Variants in LRP1B observed in about 807,000 individuals in gnomAD.
LRP1B encodes LDL receptor related protein 1B, also known as low-density lipoprotein receptor-related protein 1B.
LRP1B carries 217 observed loss-of-function variants against 556.6 expected under a neutral mutation model. The observed-to-expected ratio is 0.39, with a 90% CI of 0.35 to 0.44. The LOEUF (loss-of-function observed/expected upper bound fraction) is 0.44, where lower values mean the gene tolerates loss of function less well. LRP1B is among the 20% of genes least tolerant of loss of function. The probability of loss-of-function intolerance (pLI) is 1.00; values close to 1 mark genes in which losing one functional copy is unlikely to be tolerated. For synonymous variants in LRP1B, 2,047 were observed against 1,865.8 expected (o/e 1.10, Z -2.50); for missense variants, 5,053 against 5,620.8 (o/e 0.90, Z 3.23).
intron 2 of LRP1B, among the ~76,000 whole-genome samples, chr2:141,583,906 A>ATTTTTTTTTTTTTTTTTTTTTTTT (rs113916906): frequency 6.9e-6 from 1 of 145,482 alleles, no homozygotes; most frequent in African/African-American, 2.5e-5. Context: ...TGCCCGGCTA[A>ATTTTTTTTTTTTTTTTTTTTTTTT]TTTTTTTTTT....
At chr2:140,845,995 G>A (rs148308344) in intron 29 of LRP1B, among the ~76,000 whole-genome samples, 1,577 of 152,190 alleles carry the variant, frequency 0.01, 19 homozygotes, top group African/African-American at 0.032. Flanking sequence ...CCCCTGGATT[G>A]ATGAAAGACA....
In LRP1B at chr2:140,315,041, AC is replaced by A; in HGVS notation, c.12698del (p.Gly4233ValfsTer3). ...NGGRCILNEK[G>X]DLRCHCWPSY... is the part of the protein sequence containing the mutation. ...TGGGCCAACAGTGACACCTCAAATCACCTTTCTCATTTAAAATGCATCTTCC... is the reference window on the plus strand; with the variant it reads ...TGGGCCAACAGTGACACCTCAAATCACTTTCTCATTTAAAATGCATCTTCC... On this transcript the variant is annotated frameshift_variant, in exon 83 of 91. Coordinates refer to ENST00000389484, the MANE Select transcript of LRP1B (RefSeq NM_018557.3). LOFTEE classifies it high-confidence loss of function. 1 of 1,611,214 alleles carries A rather than the reference AC, an allele frequency of 6.2e-7. No homozygotes were observed. Among genetic ancestry groups the A allele is most frequent in the Non-Finnish European group, 8.5e-7 (1 of 1,178,450 alleles).
intron 3 of LRP1B, among the ~76,000 whole-genome samples, chr2:141,323,828 A>T (rs1377578806): frequency 1.3e-5 from 2 of 151,932 alleles, no homozygotes; most frequent in African/African-American, 4.8e-5. Flanking sequence ...AGTGAAAAAT[A>T]GATGCCATGG....
At chr2:141,685,898 T>C (rs1313085503) in intron 2 of LRP1B, among the ~76,000 whole-genome samples, 4 of 152,052 alleles carry the variant, frequency 2.6e-5, no homozygotes, top group Non-Finnish European at 4.4e-5. Context: ...AAAAAAAATA[T>C]GACATGTAGC....
rs60602889 is a variant in LRP1B, at chr2:141,201,568, A to C, written c.851-12985T>G. Among the ~76,000 whole-genome samples the C allele has an allele frequency of 8.1e-3, 1,228 of 152,228 alleles. 22 individuals carry two copies. Among genetic ancestry groups the C allele is most frequent in the African/African-American group, 0.026 (1,086 of 41,550 alleles). On this transcript the variant is annotated intron_variant, in intron 6 of 90. Coordinates refer to ENST00000389484, the MANE Select transcript of LRP1B (RefSeq NM_018557.3). ...AGATTACGTTTTGATTTGTGTCCCTAAAAATACATATTTTAAGTTATTATT... is the reference window on the plus strand; with the variant it reads ...AGATTACGTTTTGATTTGTGTCCCTCAAAATACATATTTTAAGTTATTATT...
chr2:141,057,023 G>T (rs76801030), intron 9 of LRP1B, among the ~76,000 whole-genome samples: 5,748 of 151,684 alleles, frequency 0.038, 178 homozygotes, highest in Middle Eastern at 0.12. Flanking sequence ...AATCCTATCG[G>T]CTCTATATTT....
At chr2:140,371,612 GTT>G (rs35459142) in intron 69 of LRP1B, among the ~76,000 whole-genome samples, 52 of 147,816 alleles carry the variant, frequency 3.5e-4, no homozygotes, top group Admixed American at 1.5e-3. Context: ...TGTTACATGA[GTT>G]TTTTTTTTTA....
At chr2:141,538,770 C>G (rs529774653) in intron 2 of LRP1B, among the ~76,000 whole-genome samples, 1 of 152,122 alleles carries the variant, frequency 6.6e-6, no homozygotes, top group South Asian at 2.1e-4. Context: ...TCCCAAGTAG[C>G]TGGGATTATA....
chr2:141,907,347 A>G (rs1251507450), intron 1 of LRP1B, among the ~76,000 whole-genome samples: 1 of 151,978 alleles, frequency 6.6e-6, no homozygotes, highest in African/African-American at 2.4e-5. Context: ...TGATACTTAG[A>G]GAATTTAATA....
At chr2:140,807,186 A>C (rs1690748532) in intron 32 of LRP1B, among the ~76,000 whole-genome samples, 1 of 152,226 alleles carries the variant, frequency 6.6e-6, no homozygotes, top group Non-Finnish European at 1.5e-5. Context: ...ATAAAAATTA[A>C]AAATCCCTGT....
chr2:141,221,244 G>T (rs528737023), intron 6 of LRP1B, among the ~76,000 whole-genome samples: 41 of 146,644 alleles, frequency 2.8e-4, no homozygotes, highest in African/African-American at 1.0e-3. Flanking sequence ...AAAAGCAAGG[G>T]TTGCAATCCT....
intron 41 of LRP1B, among the ~76,000 whole-genome samples, chr2:140,691,619 G>T (rs548464854): frequency 6.6e-6 from 1 of 152,012 alleles, no homozygotes; most frequent in South Asian, 2.1e-4. Context: ...ATTGCAATTT[G>T]TTGACAGTAT....
chr2:141,099,777 T>C (rs1358143686), intron 7 of LRP1B, among the ~76,000 whole-genome samples: 1 of 152,178 alleles, frequency 6.6e-6, no homozygotes, highest in Non-Finnish European at 1.5e-5. Context: ...CAACTAAATA[T>C]AGGAAATCTG....
chr2:141,995,154 T>G (rs1414979632), intron 1 of LRP1B, among the ~76,000 whole-genome samples: 2 of 152,140 alleles, frequency 1.3e-5, no homozygotes, highest in Non-Finnish European at 2.9e-5. Flanking sequence ...ACTTAGTGCA[T>G]TCAAGCAACA....
intron 7 of LRP1B, among the ~76,000 whole-genome samples, chr2:141,124,521 T>C (rs1274437208): frequency 1.3e-5 from 2 of 152,074 alleles, no homozygotes; most frequent in Admixed American, 6.6e-5. Context: ...CCTTTTTCAT[T>C]GTGCTAAGAC....
intron 1 of LRP1B, among the ~76,000 whole-genome samples, chr2:142,035,836 C>T (rs1025551632): frequency 1.3e-5 from 2 of 151,646 alleles, no homozygotes; most frequent in Non-Finnish European, 3.0e-5. Flanking sequence ...CCAGAATTCC[C>T]ACGTGTGATG....
chr2:141,450,781 T>C (rs994583700), intron 3 of LRP1B, among the ~76,000 whole-genome samples: 1 of 152,086 alleles, frequency 6.6e-6, no homozygotes, highest in African/African-American at 2.4e-5. Flanking sequence ...TGGTAAAAGA[T>C]AACTTTCAGT....
chr2:142,020,243 A>T (rs944385344), intron 1 of LRP1B, among the ~76,000 whole-genome samples: 16 of 152,140 alleles, frequency 1.1e-4, no homozygotes, highest in Non-Finnish European at 1.9e-4. Flanking sequence ...ATTAGGTGAC[A>T]TTTCACATGG....
chr2:142,055,031 G>A (rs892936868), intron 1 of LRP1B, among the ~76,000 whole-genome samples: 6 of 152,088 alleles, frequency 3.9e-5, no homozygotes, highest in Admixed American at 2.0e-4. Context: ...CATTCATTCC[G>A]TCTTTGCCTC....
Sources: allele counts gnomAD v4.1 joint callset (sites outside exome capture counted in the v4.1 genomes callset), GRCh38; gene constraint gnomAD v4.1.1; transcripts MANE v1.5; gene names NCBI Gene and HGNC (gene_info 2026-07-23, HGNC 2026-07-21).